FIRRM: variants seen among roughly 807,000 people sequenced by gnomAD.
FIRRM encodes FIGNL1-interacting regulator of recombination and mitosis.
chr1:169,822,956 G>T, the FIRRM span, among the ~76,000 whole-genome samples: 1 of 151,962 alleles, frequency 6.6e-6, no homozygotes, highest in Non-Finnish European at 1.5e-5. Flanking sequence ...CTCATGTTAA[G>T]AATTTTTTTT....
the FIRRM span, chr1:169,802,766 T>A: frequency 7.8e-7 from 1 of 1,275,466 alleles, no homozygotes; most frequent in Non-Finnish European, 1.1e-6. Flanking sequence ...AGAGGGAGCT[T>A]AAAGAATGTC....
At chr1:169,829,426 C>G in the FIRRM span, 1 of 1,612,436 alleles carries the variant, frequency 6.2e-7, no homozygotes, top group Non-Finnish European at 8.5e-7. Context: ...TACTTCCTTT[C>G]ATCCCTCACT....
the FIRRM span, chr1:169,793,047 C>A: frequency 6.2e-7 from 1 of 1,614,150 alleles, no homozygotes; most frequent in Non-Finnish European, 8.5e-7. Context: ...CTGTTATAAT[C>A]TTGAAAGTGA....
At chr1:169,787,810 G>T in the FIRRM span, among the ~76,000 whole-genome samples, 1 of 152,172 alleles carries the variant, frequency 6.6e-6, no homozygotes, top group African/African-American at 2.4e-5. Context: ...ATTGTGAGAA[G>T]GAAAACCCAT....
the FIRRM span, among the ~76,000 whole-genome samples, chr1:169,847,138 A>C: frequency 6.6e-6 from 1 of 152,114 alleles, no homozygotes; most frequent in African/African-American, 2.4e-5. Context: ...GGTGCTCCAA[A>C]ACAATGACAA....
chr1:169,847,915 GA>G, the FIRRM span: 1,398 of 549,764 alleles, frequency 2.5e-3, 8 homozygotes, highest in African/African-American at 0.015. Context: ...GACAAAGTTG[GA>G]AAAAAAAAAC....
chr1:169,842,706 CAG>C, the FIRRM span, among the ~76,000 whole-genome samples: 1 of 152,212 alleles, frequency 6.6e-6, no homozygotes, highest in African/African-American at 2.4e-5. Context: ...GCAGCTTTTT[CAG>C]AGTGTGATAG....
At chr1:169,821,830 A>G in the FIRRM span, 6 of 1,007,386 alleles carry the variant, frequency 6.0e-6, no homozygotes, top group African/African-American at 9.9e-5. Flanking sequence ...TCCCTATTCC[A>G]CAGAATAGAA....
chr1:169,803,611 G>A, the FIRRM span, among the ~76,000 whole-genome samples: 1 of 152,208 alleles, frequency 6.6e-6, no homozygotes, highest in African/African-American at 2.4e-5. Context: ...ATGTTGCATT[G>A]ACCAATATTC....
At chr1:169,850,162 C>G in the FIRRM span, 1 of 696,874 alleles carries the variant, frequency 1.4e-6, no homozygotes, top group Non-Finnish European at 2.5e-6. Context: ...GGGACTCTTA[C>G]TTAAAATGAA....
chr1:169,809,991 A>G, the FIRRM span, among the ~76,000 whole-genome samples: 1 of 152,218 alleles, frequency 6.6e-6, no homozygotes, highest in African/African-American at 2.4e-5. Flanking sequence ...GAAGCCCAAT[A>G]TCAAGGCACC....
the FIRRM span, chr1:169,827,289 G>T: frequency 9.1e-7 from 1 of 1,094,808 alleles, no homozygotes; most frequent in South Asian, 1.9e-5. Flanking sequence ...TTACAATTAA[G>T]AAATTTTTAT....
the FIRRM span, chr1:169,851,058 T>C: frequency 8.3e-6 from 1 of 120,346 alleles, no homozygotes; most frequent in Non-Finnish European, 1.8e-5. Flanking sequence ...TTTTTTTTTT[T>C]TTTTTTTTTT....
At chr1:169,803,212 A>C in the FIRRM span, 1 of 1,614,020 alleles carries the variant, frequency 6.2e-7, no homozygotes, top group South Asian at 1.1e-5. Context: ...TGTGTTCAGC[A>C]TATCTGTGCC....
chr1:169,793,046 T>C, the FIRRM span: 5 of 1,614,194 alleles, frequency 3.1e-6, no homozygotes, highest in Non-Finnish European at 4.2e-6. Flanking sequence ...ACTGTTATAA[T>C]CTTGAAAGTG....
chr1:169,832,826 T>C, the FIRRM span, among the ~76,000 whole-genome samples: 1 of 152,106 alleles, frequency 6.6e-6, no homozygotes, highest in African/African-American at 2.4e-5. Context: ...TAGGCTGGTC[T>C]CAAACTCCTG....
At chr1:169,807,824 C>T in the FIRRM span, 2 of 1,602,914 alleles carry the variant, frequency 1.2e-6, no homozygotes, top group Non-Finnish European at 1.7e-6. Context: ...TAATAAAAAG[C>T]CAGTTGAAAC....
At chr1:169,793,846 A>G in the FIRRM span, 3 of 579,108 alleles carry the variant, frequency 5.2e-6, no homozygotes, top group South Asian at 9.4e-5. Flanking sequence ...AAATATTTAG[A>G]GATATTTCCA....
chr1:169,831,586 T>G, the FIRRM span, among the ~76,000 whole-genome samples: 1 of 152,204 alleles, frequency 6.6e-6, no homozygotes, highest in Non-Finnish European at 1.5e-5. Flanking sequence ...GTGATTTTTA[T>G]GTTATGTGTT....
Sources: gnomAD v4.1 joint callset for allele counts (sites outside exome capture counted in the v4.1 genomes callset) on GRCh38, gnomAD v4.1.1 for gene constraint, MANE v1.5 for transcripts, NCBI Gene and HGNC (gene_info 2026-07-23, HGNC 2026-07-21) for gene names.